SLC41A2: variants seen among roughly 807,000 people sequenced by gnomAD.
SLC41A2 encodes the protein solute carrier family 41 member 2.
In SLC41A2, 32 loss-of-function variants were observed where a neutral mutation model predicts 58.3. That is an observed-to-expected ratio of 0.55 (90% CI 0.41 to 0.74). SLC41A2 has a LOEUF of 0.74. Among genes scored for constraint, SLC41A2 ranks in the 30% least tolerant of loss-of-function variants. The pLI is 0.00. For missense variants in SLC41A2, 514 were observed against 680.6 expected (o/e 0.76, Z 2.72); for synonymous variants, 190 against 235.0 (o/e 0.81, Z 1.75).
chr12:104,913,683 G>A (rs11112235), intron 2 of SLC41A2, among the ~76,000 whole-genome samples: 2,742 of 152,182 alleles, frequency 0.018, 34 homozygotes, highest in Non-Finnish European at 0.027. Context: ...GGCTAGAGGC[G>A]ATGCTTCCCA....
chr12:104,929,134 A>G (rs762985626), intron 1 of SLC41A2, among the ~76,000 whole-genome samples: 16 of 152,166 alleles, frequency 1.1e-4, no homozygotes, highest in Non-Finnish European at 1.9e-4. Flanking sequence ...ATAATAAACC[A>G]TATTACTTTA....
intron 8 of SLC41A2, among the ~76,000 whole-genome samples, chr12:104,855,183 C>T (rs1057065664): frequency 6.6e-6 from 1 of 152,152 alleles, no homozygotes; most frequent in Non-Finnish European, 1.5e-5. Context: ...AAAAGTGCTA[C>T]TTCTAAGATG....
chr12:104,922,292 C>T (rs1220674268), intron 2 of SLC41A2, among the ~76,000 whole-genome samples: 1 of 152,136 alleles, frequency 6.6e-6, no homozygotes, highest in Non-Finnish European at 1.5e-5. Flanking sequence ...TCTATAAAGA[C>T]ACACCTAGAC....
intron 3 of SLC41A2, among the ~76,000 whole-genome samples, chr12:104,900,813 T>C (rs962433743): frequency 6.6e-6 from 1 of 152,230 alleles, no homozygotes; most frequent in African/African-American, 2.4e-5. Context: ...AATATAATTA[T>C]CTAGGTTTTA....
In SLC41A2 at chr12:104,802,471, AT is replaced by A. The variant is rs2040735447; in HGVS notation, c.*2680del. The A allele has an allele frequency of 1.3e-5, 2 of 151,980 alleles. No individual in the cohort carries two copies. The highest frequency in any genetic ancestry group is 6.6e-5 in the Admixed American group (1 of 15,248). The allele number at this position is 151,980 out of a possible 1,614,324, so 9.4% of individuals were successfully genotyped here. ...CGGCGAATTGGTGACTAATGTTTTTATTTTTTTCTCCTGTTACATGCCTTTT... is the reference window on the plus strand; with the variant it reads ...CGGCGAATTGGTGACTAATGTTTTTATTTTTTCTCCTGTTACATGCCTTTT... On this transcript the variant is annotated 3_prime_UTR_variant, in exon 11 of 11. Transcript: ENST00000258538.
At chr12:104,840,478 G>C (rs1302371531) in intron 10 of SLC41A2, among the ~76,000 whole-genome samples, 2 of 152,160 alleles carry the variant, frequency 1.3e-5, no homozygotes, top group African/African-American at 4.8e-5. Flanking sequence ...AGGTATAACG[G>C]ATCAAGATGG....
At chr12:104,821,385 A>C (rs1198072249) in intron 10 of SLC41A2, among the ~76,000 whole-genome samples, 4 of 152,210 alleles carry the variant, frequency 2.6e-5, no homozygotes, top group African/African-American at 9.6e-5. Context: ...GGAGACCTAC[A>C]TGATAACATT....
rs1288102566 is a variant in SLC41A2, at chr12:104,869,187, GA to G, written c.1028-2609del. ...GCCCAGCGTTTCTGTTTGAGGTGAT[GA>G]AAATGTTCTGGAATTAGATCACGGT... is the stretch of plus-strand genomic sequence containing the variant. On this transcript the variant is annotated intron_variant, in intron 6 of 10. Coordinates refer to ENST00000258538, the MANE Select transcript of SLC41A2 (RefSeq NM_001352171.3). Among the ~76,000 whole-genome samples the G allele has an allele frequency of 2.0e-5, 3 of 152,206 alleles. No individual in the cohort carries two copies. The East Asian group carries it at 5.8e-4, about 29-fold the overall frequency.
intron 1 of SLC41A2, among the ~76,000 whole-genome samples, chr12:104,930,930 C>A (rs1359696017): frequency 6.6e-6 from 1 of 152,220 alleles, no homozygotes; most frequent in African/African-American, 2.4e-5. Flanking sequence ...CCAGGTCATA[C>A]TTTTGCTCCT....
At chr12:104,877,746 C>A (rs1307654829) in intron 6 of SLC41A2, among the ~76,000 whole-genome samples, 1 of 152,110 alleles carries the variant, frequency 6.6e-6, no homozygotes, top group Non-Finnish European at 1.5e-5. Context: ...CGCCTGTAAT[C>A]CTAGCACTTT....
At chr12:104,863,855 T>C (rs2043304125) in intron 7 of SLC41A2, among the ~76,000 whole-genome samples, 1 of 152,216 alleles carries the variant, frequency 6.6e-6, no homozygotes, top group South Asian at 2.1e-4. Context: ...CTTTGCCTCA[T>C]ATTTTTCTTA....
chr12:104,930,397 A>G (rs983294063), intron 1 of SLC41A2, among the ~76,000 whole-genome samples: 2 of 128,544 alleles, frequency 1.6e-5, no homozygotes, highest in Admixed American at 1.5e-4. Context: ...TGAGCTATAC[A>G]TCTGGAACTT....
intron 10 of SLC41A2, among the ~76,000 whole-genome samples, chr12:104,815,723 T>C (rs1566098296): frequency 6.6e-6 from 1 of 152,122 alleles, no homozygotes; most frequent in Non-Finnish European, 1.5e-5. Flanking sequence ...CCTACAAAAA[T>C]ATGCTTCCCT....
intron 6 of SLC41A2, among the ~76,000 whole-genome samples, chr12:104,885,508 T>A (rs1312912615): frequency 6.6e-6 from 1 of 152,244 alleles, no homozygotes; most frequent in African/African-American, 2.4e-5. Flanking sequence ...GATTTGTGAA[T>A]AAATGTTTGC....
chr12:104,929,760 A>G (rs189558942), intron 1 of SLC41A2, among the ~76,000 whole-genome samples: 83 of 152,396 alleles, frequency 5.4e-4, no homozygotes, highest in Non-Finnish European at 9.3e-4. Flanking sequence ...TGATTTGATA[A>G]GGGATGGGTG....
At chr12:104,903,163 T>C (rs2045637978) in intron 3 of SLC41A2, among the ~76,000 whole-genome samples, 1 of 152,204 alleles carries the variant, frequency 6.6e-6, no homozygotes. Flanking sequence ...CATTCCCTGT[T>C]ACCATCTTGA....
intron 2 of SLC41A2, among the ~76,000 whole-genome samples, chr12:104,922,476 G>T (rs7975174): frequency 0.033 from 4,921 of 148,914 alleles, 151 homozygotes; most frequent in East Asian, 0.15. Flanking sequence ...CATAACAATT[G>T]TATATATATA....
At chr12:104,834,576 T>G (rs553557729) in intron 10 of SLC41A2, among the ~76,000 whole-genome samples, 27 of 151,646 alleles carry the variant, frequency 1.8e-4, no homozygotes, top group African/African-American at 6.1e-4. Flanking sequence ...TCCTGAGGAG[T>G]GAGAAGAAAT....
At chr12:104,906,921 C>T (rs2045876999) in intron 3 of SLC41A2, among the ~76,000 whole-genome samples, 1 of 152,164 alleles carries the variant, frequency 6.6e-6, no homozygotes, top group African/African-American at 2.4e-5. Context: ...TATACCTCCT[C>T]AGAGAAGTCT....
Sources: gnomAD v4.1 joint callset for allele counts (sites outside exome capture counted in the v4.1 genomes callset) on GRCh38, gnomAD v4.1.1 for gene constraint, MANE v1.5 for transcripts, NCBI Gene and HGNC (gene_info 2026-07-23, HGNC 2026-07-21) for gene names.